The following DLG2 variants were observed in gnomAD, a reference collection of about 807,000 sequenced individuals.
The protein encoded by DLG2 is discs large MAGUK scaffold protein 2.
In DLG2, 45 loss-of-function variants were observed where a neutral mutation model predicts 132.5. The ratio of observed to expected loss-of-function variants is 0.34; its 90% CI spans 0.27 to 0.44. The LOEUF is 0.44. DLG2 is among the 20% of genes least tolerant of loss of function. DLG2 has a pLI of 1.00. For synonymous variants in DLG2, 424 were observed against 419.6 expected (o/e 1.01, Z -0.13); for missense variants, 1,045 against 1,196.9 (o/e 0.87, Z 1.87).
At chr11:84,318,056 C>A (rs980769315) in intron 7 of DLG2, among the ~76,000 whole-genome samples, 7 of 152,156 alleles carry the variant, frequency 4.6e-5, no homozygotes, top group African/African-American at 9.7e-5. Flanking sequence ...TTTACCATAA[C>A]AAATACATTC....
intron 4 of DLG2, among the ~76,000 whole-genome samples, chr11:85,203,796 A>G (rs1374859287): frequency 6.6e-6 from 1 of 152,118 alleles, no homozygotes. Context: ...TCAATAAAAT[A>G]CTAGCAAACT....
At chr11:85,456,804 A>G (rs543381345) in intron 3 of DLG2, among the ~76,000 whole-genome samples, 1 of 152,232 alleles carries the variant, frequency 6.6e-6, no homozygotes, top group Non-Finnish European at 1.5e-5. Flanking sequence ...ATTGGTTTCT[A>G]TTTTATTGTA....
At chr11:84,376,495 C>G (rs10898229) in intron 7 of DLG2, among the ~76,000 whole-genome samples, 9,437 of 151,772 alleles carry the variant, frequency 0.062, 414 homozygotes, top group Non-Finnish European at 0.1. Flanking sequence ...AATTTTGAAT[C>G]CTTACTAAAT....
chr11:83,924,279 G>T (rs2078522554), intron 15 of DLG2, among the ~76,000 whole-genome samples: 1 of 152,048 alleles, frequency 6.6e-6, no homozygotes, highest in Non-Finnish European at 1.5e-5. Context: ...AACATTAAAG[G>T]CCCAGTAAAT....
Position 84,416,332 on chromosome 11 carries a change from G to C in DLG2, c.519+118238C>G, listed in dbSNP as rs933884248. 3.9e-5 allele frequency among the ~76,000 whole-genome samples: 6 copies of C among 152,278 alleles called. No individual in the cohort carries two copies. In the East Asian group the frequency reaches 1.2e-3, roughly 29 times the overall value. On this transcript the variant is annotated intron_variant, in intron 7 of 27. Coordinates refer to ENST00000376104, the MANE Select transcript of DLG2 (RefSeq NM_001142699.3). The stretch of plus-strand genomic sequence containing the variant: ...CATTTTCCATCCAAGAAAAATCAGT[G>C]TTTCCAGAGATGTGTGCTGAGATGT...
chr11:83,548,400 T>C (rs2096292056), intron 19 of DLG2, among the ~76,000 whole-genome samples: 1 of 152,146 alleles, frequency 6.6e-6, no homozygotes, highest in Admixed American at 6.6e-5. Context: ...TTGAGTGCCA[T>C]TGCTAAGATT....
chr11:85,502,568 C>G (rs2093829896), intron 3 of DLG2, among the ~76,000 whole-genome samples: 2 of 151,876 alleles, frequency 1.3e-5, no homozygotes, highest in Admixed American at 1.3e-4. Context: ...CCAAACACCG[C>G]ATGTTCTCAC....
intron 2 of DLG2, among the ~76,000 whole-genome samples, chr11:85,605,919 A>T (rs1591243805): frequency 6.6e-6 from 1 of 152,148 alleles, no homozygotes; most frequent in African/African-American, 2.4e-5. Context: ...CGGAGGTTGA[A>T]GTGAGCTGAG....
At position 83,732,299 on chromosome 11, in the gene DLG2, G is replaced by A. The variant is rs193287580; in HGVS notation, c.1825+54391C>T. ...CTCAAGGGTGGTAGGAAGCTAAAGG[G>A]TAATTTTGGGTAACATTCTCCCCTT... On this transcript the variant is annotated intron_variant, in intron 18 of 27. Coordinates refer to ENST00000376104, the MANE Select transcript of DLG2 (RefSeq NM_001142699.3). 1.5e-3 allele frequency among the ~76,000 whole-genome samples: 228 copies of A among 152,178 alleles called. 1 individual carries two copies. The highest frequency in any genetic ancestry group is 5.2e-3 in the African/African-American group (215 of 41,522).
At chr11:84,598,350 T>C (rs1593311384) in intron 6 of DLG2, among the ~76,000 whole-genome samples, 1 of 152,186 alleles carries the variant, frequency 6.6e-6, no homozygotes, top group African/African-American at 2.4e-5. Flanking sequence ...AGCTGCAATA[T>C]GGATCAGTTA....
chr11:85,313,016 C>T (rs1392624681), intron 3 of DLG2, among the ~76,000 whole-genome samples: 1 of 151,944 alleles, frequency 6.6e-6, no homozygotes, highest in Non-Finnish European at 1.5e-5. Flanking sequence ...TTGCATTTGG[C>T]TGTGGCTATA....
chr11:84,807,850 A>G (rs1448266441), intron 6 of DLG2, among the ~76,000 whole-genome samples: 1 of 152,194 alleles, frequency 6.6e-6, no homozygotes, highest in Non-Finnish European at 1.5e-5. Context: ...AAATATATGA[A>G]GCAAAAGCAA....
intron 18 of DLG2, among the ~76,000 whole-genome samples, chr11:83,650,637 TTC>T (rs1176250617): frequency 2.6e-5 from 4 of 152,320 alleles, no homozygotes; most frequent in Admixed American, 6.5e-5. Context: ...TGAAAAAAAT[TTC>T]TTTTTCTTTA....
At chr11:83,493,126 CTTAAATTCAAGATTTCCTTGAATCT>C (rs2093953267) in intron 21 of DLG2, among the ~76,000 whole-genome samples, 1 of 152,046 alleles carries the variant, frequency 6.6e-6, no homozygotes, top group Admixed American at 6.6e-5. Context: ...TCCTTGAATC[CTTAAATTCAAGATTTCCTTGAATCT>C]TGATTCAGGG....
At chr11:85,158,056 A>G (rs1322206119) in intron 4 of DLG2, among the ~76,000 whole-genome samples, 1 of 152,146 alleles carries the variant, frequency 6.6e-6, no homozygotes, top group Non-Finnish European at 1.5e-5. Context: ...GTTTGCTTCT[A>G]GACTTATAAC....
chr11:83,579,828 G>A (rs953972546), intron 19 of DLG2, among the ~76,000 whole-genome samples: 1 of 151,984 alleles, frequency 6.6e-6, no homozygotes, highest in African/African-American at 2.4e-5. Context: ...AAATGAGCCA[G>A]GCATGGTGGC....
intron 3 of DLG2, among the ~76,000 whole-genome samples, chr11:85,429,197 G>T (rs922340774): frequency 1.3e-5 from 2 of 152,090 alleles, no homozygotes; most frequent in South Asian, 4.1e-4. Flanking sequence ...TCTACCAGAG[G>T]TACAAGGAGG....
chr11:84,313,394 G>C (rs1429707597), intron 7 of DLG2, among the ~76,000 whole-genome samples: 1 of 151,934 alleles, frequency 6.6e-6, no homozygotes, highest in East Asian at 1.9e-4. Flanking sequence ...GATTACAGGC[G>C]TGAGTCACCA....
intron 6 of DLG2, among the ~76,000 whole-genome samples, chr11:84,669,732 A>C (rs1179423192): frequency 1.3e-5 from 2 of 152,162 alleles, no homozygotes; most frequent in Admixed American, 1.3e-4. Flanking sequence ...GCCACCTGAC[A>C]ATATTTTGAT....
Sources: gnomAD v4.1 joint callset for allele counts (sites outside exome capture counted in the v4.1 genomes callset) on GRCh38, gnomAD v4.1.1 for gene constraint, MANE v1.5 for transcripts, NCBI Gene and HGNC (gene_info 2026-07-23, HGNC 2026-07-21) for gene names.